The following GALNT13 variants were observed in gnomAD, a reference collection of about 807,000 sequenced individuals.
GALNT13 encodes the protein polypeptide N-acetylgalactosaminyltransferase 13.
In GALNT13, 28 loss-of-function variants were observed where a neutral mutation model predicts 64.2. The ratio of observed to expected loss-of-function variants is 0.44; its 90% CI spans 0.32 to 0.60. The LOEUF is 0.60. Among genes scored for constraint, GALNT13 ranks in the 20% least tolerant of loss-of-function variants. The probability of loss-of-function intolerance (pLI) is 0.05; values close to 1 mark genes in which losing one functional copy is unlikely to be tolerated. For synonymous variants in GALNT13, 214 were observed against 224.6 expected (o/e 0.95, Z 0.42); for missense variants, 577 against 669.8 (o/e 0.86, Z 1.53).
chr2:153,633,583 A>T, the GALNT13 span, among the ~76,000 whole-genome samples: 1 of 152,102 alleles, frequency 6.6e-6, no homozygotes, highest in Non-Finnish European at 1.5e-5. Context: ...AATATTTTTC[A>T]CCATAGGAGA....
At chr2:154,110,923 C>T (rs1041688963) in intron 3 of GALNT13, among the ~76,000 whole-genome samples, 1 of 152,096 alleles carries the variant, frequency 6.6e-6, no homozygotes, top group African/African-American at 2.4e-5. Flanking sequence ...ATGCATCAAT[C>T]CGGAACCCAA....
At chr2:154,025,132 C>T (rs979948601) in intron 3 of GALNT13, among the ~76,000 whole-genome samples, 5 of 152,112 alleles carry the variant, frequency 3.3e-5, no homozygotes, top group Non-Finnish European at 7.4e-5. Context: ...TTAGGCTACT[C>T]GGGGGTCATG....
the GALNT13 span, among the ~76,000 whole-genome samples, chr2:153,481,523 A>T: frequency 6.6e-6 from 1 of 152,338 alleles, no homozygotes; most frequent in East Asian, 1.9e-4. Context: ...CTGGTAATTC[A>T]CTTTAAAGCA....
chr2:154,299,555 C>T (rs1316191921), intron 8 of GALNT13, among the ~76,000 whole-genome samples: 3 of 150,186 alleles, frequency 2.0e-5, no homozygotes, highest in African/African-American at 7.4e-5. Context: ...CCCGGGTTCA[C>T]GCCATTCTCC....
chr2:153,105,091 T>C, the GALNT13 span, among the ~76,000 whole-genome samples: 1 of 136,298 alleles, frequency 7.3e-6, no homozygotes, highest in East Asian at 2.3e-4. Flanking sequence ...TGTGTCCATG[T>C]GTTCTCATTG....
chr2:153,795,839 C>T, the GALNT13 span, among the ~76,000 whole-genome samples: 42 of 152,256 alleles, frequency 2.8e-4, no homozygotes, highest in South Asian at 6.2e-4. Context: ...GAGAGAGCTA[C>T]GAACACACGC....
intron 8 of GALNT13, among the ~76,000 whole-genome samples, chr2:154,291,503 G>A (rs1692629330): frequency 1.3e-5 from 2 of 152,230 alleles, no homozygotes; most frequent in African/African-American, 4.8e-5. Flanking sequence ...CTCGCTGGGG[G>A]ACTTTGCGGC....
the GALNT13 span, among the ~76,000 whole-genome samples, chr2:153,588,063 G>T: frequency 3.3e-5 from 5 of 152,206 alleles, no homozygotes; most frequent in African/African-American, 1.2e-4. Flanking sequence ...TCACATCCAG[G>T]TCATGCTGAT....
At chr2:153,581,300 C>T in the GALNT13 span, among the ~76,000 whole-genome samples, 17 of 152,190 alleles carry the variant, frequency 1.1e-4, no homozygotes, top group Middle Eastern at 3.4e-3. Flanking sequence ...CTAGAATGAT[C>T]GAGCACACAG....
At chr2:153,781,329 C>T in the GALNT13 span, among the ~76,000 whole-genome samples, 1 of 152,180 alleles carries the variant, frequency 6.6e-6, no homozygotes. Flanking sequence ...TGTGAAGTGA[C>T]TTTCTATTGC....
the GALNT13 span, among the ~76,000 whole-genome samples, chr2:153,213,895 A>C: frequency 6.6e-6 from 1 of 152,174 alleles, no homozygotes; most frequent in Non-Finnish European, 1.5e-5. Context: ...AGTGCTTACA[A>C]ATAAGGAAAA....
At chr2:154,109,839 C>T (rs1321786575) in intron 3 of GALNT13, among the ~76,000 whole-genome samples, 1 of 151,742 alleles carries the variant, frequency 6.6e-6, no homozygotes, top group African/African-American at 2.4e-5. Context: ...GTGGATGATA[C>T]TTTTAGTAAG....
At chr2:153,467,199 A>G in the GALNT13 span, among the ~76,000 whole-genome samples, 1 of 152,070 alleles carries the variant, frequency 6.6e-6, no homozygotes, top group Non-Finnish European at 1.5e-5. Flanking sequence ...TATATGTTTT[A>G]ACCTGTATAC....
intron 4 of GALNT13, among the ~76,000 whole-genome samples, chr2:154,166,065 A>T (rs1192627427): frequency 1.3e-5 from 2 of 152,134 alleles, no homozygotes; most frequent in Non-Finnish European, 2.9e-5. Context: ...ATAACTTTTT[A>T]TTTGTTCCAA....
At chr2:153,199,515 G>T in the GALNT13 span, among the ~76,000 whole-genome samples, 1 of 152,180 alleles carries the variant, frequency 6.6e-6, no homozygotes, top group Non-Finnish European at 1.5e-5. Context: ...CTGGACAAAG[G>T]ACAGATGTTG....
the GALNT13 span, among the ~76,000 whole-genome samples, chr2:153,457,448 T>C: frequency 6.6e-6 from 1 of 152,194 alleles, no homozygotes; most frequent in African/African-American, 2.4e-5. Context: ...GATCAATATA[T>C]AAGGTTGCAG....
At chr2:153,895,340 A>T (rs888042724) in intron 1 of GALNT13, among the ~76,000 whole-genome samples, 2 of 152,086 alleles carry the variant, frequency 1.3e-5, no homozygotes, top group Admixed American at 6.6e-5. Context: ...GAGTTTCAAG[A>T]TTGTAACACA....
intron 3 of GALNT13, among the ~76,000 whole-genome samples, chr2:154,091,519 GTTA>G (rs1444705220): frequency 6.6e-6 from 1 of 150,798 alleles, no homozygotes; most frequent in Non-Finnish European, 1.5e-5. Flanking sequence ...AAAAGGATGA[GTTA>G]TTACCTTTTA....
chr2:154,167,768 G>A, intron 4 of GALNT13, among the ~76,000 whole-genome samples: 1 of 152,260 alleles, frequency 6.6e-6, no homozygotes. Context: ...GTTGAGGATA[G>A]AGTCCTGATA....
Sources: gnomAD v4.1 joint callset for allele counts (sites outside exome capture counted in the v4.1 genomes callset) on GRCh38, gnomAD v4.1.1 for gene constraint, MANE v1.5 for transcripts, NCBI Gene and HGNC (gene_info 2026-07-23, HGNC 2026-07-21) for gene names.